CDH2: variants seen among roughly 807,000 people sequenced by gnomAD.
The protein encoded by CDH2 is cadherin 2.
Under a neutral mutation model 92.0 loss-of-function variants are expected in CDH2, and 17 were observed. That is an observed-to-expected ratio of 0.18 (90% CI 0.13 to 0.28). CDH2 has a LOEUF of 0.28. CDH2 is among the 10% of genes least tolerant of loss of function. The pLI is 1.00. For missense variants in CDH2, 862 were observed against 1,133.1 expected (o/e 0.76, Z 3.44); for synonymous variants, 419 against 415.9 (o/e 1.01, Z -0.09).
chr18:27,941,136 C>T (rs893328419), intron 6 of CDH2, among the ~76,000 whole-genome samples: 2 of 150,648 alleles, frequency 1.3e-5, no homozygotes, highest in Non-Finnish European at 3.0e-5. Flanking sequence ...CCCGGGTTCA[C>T]GCCATTCTCC....
At chr18:27,965,946 T>A (rs983729822) in intron 14 of CDH2, among the ~76,000 whole-genome samples, 1 of 116,856 alleles carries the variant, frequency 8.6e-6, no homozygotes, top group Non-Finnish European at 1.6e-5. Flanking sequence ...CAAGATCGCA[T>A]CACTGTACTC....
chr18:28,023,843 C>T (rs1346161654), intron 2 of CDH2, among the ~76,000 whole-genome samples: 1 of 152,052 alleles, frequency 6.6e-6, no homozygotes, highest in Admixed American at 6.6e-5. Context: ...GTGACATGCC[C>T]TCACTGCCTG....
chr18:28,164,380 C>T (rs143383541), intron 1 of CDH2, among the ~76,000 whole-genome samples: 5 of 152,170 alleles, frequency 3.3e-5, no homozygotes, highest in Non-Finnish European at 5.9e-5. Context: ...TGCTTTGAAC[C>T]ACGTGTGGTA....
chr18:27,985,004 C>T lies in CDH2; in HGVS notation c.2205G>A (p.Leu735=), dbSNP rs776653813. 1 of 1,609,716 alleles carries T rather than the reference C, an allele frequency of 6.2e-7. No individual in the cohort carries two copies. The highest frequency in any genetic ancestry group is 1.1e-5 in the South Asian group (1 of 90,994). Residue 735 remains leucine (L), a synonymous_variant, in exon 13 of 16, where the codon CTG becomes CTA. Transcript: ENST00000269141. ...AAAGACAATAAAAGTACTCACTAAG[C>T]AGGATGATGATGCAGAGCAGGATGG... The part of the protein sequence containing the change: ...IIAILLCIII[L]LILVLMFVVW...
downstream of CDH2, among the ~76,000 whole-genome samples, chr18:27,949,103 T>C (rs1183032389): frequency 1.3e-5 from 2 of 151,954 alleles, no homozygotes; most frequent in Non-Finnish European, 2.9e-5. Context: ...TACTTTAAAC[T>C]AGTATTGTGG....
At position 28,147,796 on chromosome 18, in the gene CDH2, G is replaced by GAA. The variant is rs748046882; in HGVS notation, c.61-14_61-13dup. ...GCCTCTACAGACGCCTGCAACACAAGAAAAAAAAAAAAAATGTGTGCAATG... is the reference window on the plus strand; with the variant it reads ...GCCTCTACAGACGCCTGCAACACAAGAAAAAAAAAAAAAAAATGTGTGCAATG... On this transcript the variant is annotated splice_polypyrimidine_tract_variant and intron_variant, in intron 1 of 15. Coordinates refer to ENST00000269141, the MANE Select transcript of CDH2 (RefSeq NM_001792.5). The GAA allele has an allele frequency of 1.5e-3, 1,622 of 1,086,338 alleles. No individual in the cohort carries two copies. Among genetic ancestry groups the GAA allele is most frequent in the South Asian group, 2.1e-3 (140 of 66,922 alleles). The allele number at this position is 1,086,338 out of a possible 1,614,324, so 67.3% of individuals were successfully genotyped here.
At chr18:28,129,394 T>G in intron 2 of CDH2, among the ~76,000 whole-genome samples, 1 of 152,238 alleles carries the variant, frequency 6.6e-6, no homozygotes, top group East Asian at 1.9e-4. Context: ...TGAAAGGAGT[T>G]TGCATTGATA....
intron 7 of CDH2, among the ~76,000 whole-genome samples, chr18:27,998,591 C>A (rs541591403): frequency 2.9e-4 from 44 of 152,076 alleles, no homozygotes; most frequent in Admixed American, 1.2e-3. Context: ...TTCAAGTGGA[C>A]AAGGAAGGAG....
intron 2 of CDH2, among the ~76,000 whole-genome samples, chr18:28,081,086 G>A (rs946187527): frequency 7.2e-5 from 11 of 152,132 alleles, no homozygotes. Flanking sequence ...TCAACCATAT[G>A]CAAAGGACCT....
chr18:27,937,212 A>G (rs1048148805), intron 6 of CDH2, among the ~76,000 whole-genome samples: 2 of 152,186 alleles, frequency 1.3e-5, no homozygotes, highest in Admixed American at 6.5e-5. Flanking sequence ...ATTTTGCTAT[A>G]TTAGAGGTAA....
intron 3 of CDH2, among the ~76,000 whole-genome samples, chr18:28,012,355 C>T (rs896215972): frequency 6.6e-6 from 1 of 152,124 alleles, no homozygotes; most frequent in African/African-American, 2.4e-5. Flanking sequence ...TGCTACTGTA[C>T]ATTAAATTTA....
chr18:28,005,143 T>C (rs2012878798), intron 6 of CDH2, among the ~76,000 whole-genome samples: 1 of 152,212 alleles, frequency 6.6e-6, no homozygotes, highest in Non-Finnish European at 1.5e-5. Flanking sequence ...ACTGGTTTTC[T>C]AGCGGCCTGG....
At chr18:28,015,112 T>TC (rs1421623152) in intron 2 of CDH2, among the ~76,000 whole-genome samples, 1 of 152,140 alleles carries the variant, frequency 6.6e-6, no homozygotes, top group Non-Finnish European at 1.5e-5. Context: ...TTATGAACCC[T>TC]CCCACTGCAC....
intron 2 of CDH2, among the ~76,000 whole-genome samples, chr18:28,117,498 C>T (rs1189695980): frequency 6.6e-6 from 1 of 152,038 alleles, no homozygotes; most frequent in Non-Finnish European, 1.5e-5. Context: ...GAAAGAGGCT[C>T]CATGCTGTAC....
chr18:28,125,557 T>C (rs749375188), intron 2 of CDH2, among the ~76,000 whole-genome samples: 7 of 152,170 alleles, frequency 4.6e-5, no homozygotes, highest in Non-Finnish European at 1.0e-4. Flanking sequence ...CCTAACATAT[T>C]CATGTTTTAC....
chr18:28,018,383 A>G (rs2144049795), intron 2 of CDH2, among the ~76,000 whole-genome samples: 1 of 152,238 alleles, frequency 6.6e-6, no homozygotes, highest in African/African-American at 2.4e-5. Flanking sequence ...CAGAACTGGA[A>G]AAACCAATAC....
chr18:27,939,967 C>T (rs576425831), intron 6 of CDH2, among the ~76,000 whole-genome samples: 1 of 152,148 alleles, frequency 6.6e-6, no homozygotes, highest in Non-Finnish European at 1.5e-5. Flanking sequence ...GGCGTGTCTG[C>T]AACCCCACCC....
At chr18:28,056,140 G>A (rs2014288690) in intron 2 of CDH2, among the ~76,000 whole-genome samples, 1 of 151,962 alleles carries the variant, frequency 6.6e-6, no homozygotes, top group Non-Finnish European at 1.5e-5. Flanking sequence ...TTCAAAATGA[G>A]AAAGAAGTAT....
chr18:28,019,640 T>C (rs1251098077), intron 2 of CDH2, among the ~76,000 whole-genome samples: 3 of 152,090 alleles, frequency 2.0e-5, no homozygotes, highest in Non-Finnish European at 4.4e-5. Context: ...TTAGAAGAAA[T>C]TGTATAAAGG....
Sources: allele counts gnomAD v4.1 joint callset (sites outside exome capture counted in the v4.1 genomes callset), GRCh38; gene constraint gnomAD v4.1.1; transcripts MANE v1.5; gene names NCBI Gene and HGNC (gene_info 2026-07-23, HGNC 2026-07-21).